Variants in C1QTNF7 observed in about 807,000 individuals in gnomAD.
C1QTNF7 encodes the protein complement C1q tumor necrosis factor-related protein 7.
In C1QTNF7, 15 loss-of-function variants were observed where a neutral mutation model predicts 19.6. The observed-to-expected ratio is 0.76, with a 90% CI of 0.51 to 1.18. C1QTNF7 has a LOEUF of 1.18. C1QTNF7 is among the 50% of genes most tolerant of loss of function. The pLI, the probability that C1QTNF7 is intolerant of heterozygous loss-of-function variation, is 0.00. For missense variants in C1QTNF7, 324 were observed against 359.7 expected, an observed-to-expected ratio of 0.90 and a Z score of 0.80; for synonymous variants, 142 against 137.5, an observed-to-expected ratio of 1.03 and a Z score of -0.23.
chr4:15,364,040 T>C (rs1186306063), intron 1 of C1QTNF7, among the ~76,000 whole-genome samples: 1 of 152,220 alleles, frequency 6.6e-6, no homozygotes, highest in Non-Finnish European at 1.5e-5. Flanking sequence ...TATATTCGCA[T>C]TGTCTAATTA....
intron 1 of C1QTNF7, among the ~76,000 whole-genome samples, chr4:15,390,139 G>A (rs1718501169): frequency 6.6e-6 from 1 of 152,140 alleles, no homozygotes; most frequent in Non-Finnish European, 1.5e-5. Flanking sequence ...CATATTGCAG[G>A]GATTCGGATT....
At chr4:15,352,063 G>C (rs762862414) in intron 1 of C1QTNF7, among the ~76,000 whole-genome samples, 5 of 152,138 alleles carry the variant, frequency 3.3e-5, no homozygotes, top group Non-Finnish European at 5.9e-5. Flanking sequence ...TTTGGAGAAT[G>C]ATGAGAATAT....
intron 1 of C1QTNF7, among the ~76,000 whole-genome samples, chr4:15,377,245 A>G (rs1189524254): frequency 2.0e-5 from 3 of 152,228 alleles, no homozygotes; most frequent in Non-Finnish European, 4.4e-5. Flanking sequence ...CATTTTCCCC[A>G]ACTCAAATTT....
chr4:15,351,898 A>G (rs1716951121), intron 1 of C1QTNF7, among the ~76,000 whole-genome samples: 1 of 152,210 alleles, frequency 6.6e-6, no homozygotes, highest in South Asian at 2.1e-4. Context: ...ACTAATTGTC[A>G]CTTAGTCCTT....
At chr4:15,407,994 C>T (rs1389674264) in intron 1 of C1QTNF7, among the ~76,000 whole-genome samples, 1 of 152,078 alleles carries the variant, frequency 6.6e-6, no homozygotes, top group East Asian at 1.9e-4. Flanking sequence ...GTAGGCCGGG[C>T]TTGGTGGCTC....
intron 1 of C1QTNF7, among the ~76,000 whole-genome samples, chr4:15,419,183 A>G (rs565842659): frequency 9.3e-4 from 141 of 152,212 alleles, no homozygotes; most frequent in Non-Finnish European, 1.6e-3. Context: ...GGCAGCATGT[A>G]CCAAAAAAGA....
chr4:15,376,641 A>C (rs1717950690), intron 1 of C1QTNF7, among the ~76,000 whole-genome samples: 1 of 152,252 alleles, frequency 6.6e-6, no homozygotes, highest in African/African-American at 2.4e-5. Flanking sequence ...TTACACAGGT[A>C]ATGATGGCTG....
chr4:15,438,974 G>A (rs1305001174), intron 2 of C1QTNF7, among the ~76,000 whole-genome samples: 1 of 152,180 alleles, frequency 6.6e-6, no homozygotes, highest in Non-Finnish European at 1.5e-5. Context: ...TTGGATGGAA[G>A]GAAGAAATGG....
chr4:15,432,684 C>T (rs776849362), intron 1 of C1QTNF7, among the ~76,000 whole-genome samples: 1 of 152,196 alleles, frequency 6.6e-6, no homozygotes, highest in Non-Finnish European at 1.5e-5. Context: ...CGTGAGCCAT[C>T]GTGCCCAGCC....
At chr4:15,392,578 C>T (rs1480996999) in intron 1 of C1QTNF7, among the ~76,000 whole-genome samples, 1 of 152,192 alleles carries the variant, frequency 6.6e-6, no homozygotes, top group Non-Finnish European at 1.5e-5. Flanking sequence ...CCAGGGAGGA[C>T]CTGGTACAGC....
intron 1 of C1QTNF7, among the ~76,000 whole-genome samples, chr4:15,429,002 G>T (rs13116208): frequency 0.53 from 80,161 of 152,098 alleles, 24,404 homozygotes; most frequent in Non-Finnish European, 0.69. Context: ...GAAGACAAAA[G>T]AACTCAGTAC....
chr4:15,385,387 T>A (rs1330265135), intron 1 of C1QTNF7, among the ~76,000 whole-genome samples: 1 of 152,036 alleles, frequency 6.6e-6, no homozygotes, highest in Non-Finnish European at 1.5e-5. Context: ...GGGAAGCCAA[T>A]GTTGGAGCAG....
At chr4:15,372,474 T>C (rs975337986) in intron 1 of C1QTNF7, among the ~76,000 whole-genome samples, 2 of 152,206 alleles carry the variant, frequency 1.3e-5, no homozygotes, top group African/African-American at 4.8e-5. Context: ...AGAAAATACA[T>C]TTCTGTTGTT....
chr4:15,398,271 C>G (rs1718863287), intron 1 of C1QTNF7, among the ~76,000 whole-genome samples: 2 of 152,076 alleles, frequency 1.3e-5, no homozygotes, highest in Non-Finnish European at 2.9e-5. Flanking sequence ...CCTGGGGTTA[C>G]CAAGAGATCT....
intron 1 of C1QTNF7, among the ~76,000 whole-genome samples, chr4:15,398,632 C>T (rs1718875663): frequency 6.6e-6 from 1 of 152,168 alleles, no homozygotes; most frequent in South Asian, 2.1e-4. Context: ...TGAACATTCC[C>T]CTGAGGCAGC....
At chr4:15,388,425 G>A (rs1416360952) in intron 1 of C1QTNF7, among the ~76,000 whole-genome samples, 7 of 152,204 alleles carry the variant, frequency 4.6e-5, no homozygotes, top group Admixed American at 4.6e-4. Context: ...AGTCAAGTAT[G>A]TGTTCAGAGA....
At chr4:15,397,146 G>A (rs1423680957) in intron 1 of C1QTNF7, among the ~76,000 whole-genome samples, 2 of 152,090 alleles carry the variant, frequency 1.3e-5, no homozygotes, top group Middle Eastern at 3.2e-3. Context: ...GAGGGAAACC[G>A]CCCCCGTGAT....
At chr4:15,405,619 C>T (rs778767443) in intron 1 of C1QTNF7, among the ~76,000 whole-genome samples, 4 of 152,158 alleles carry the variant, frequency 2.6e-5, no homozygotes, top group Non-Finnish European at 5.9e-5. Flanking sequence ...CTAGCCAATA[C>T]CAGCTAAAGA....
chr4:15,363,981 C>T (rs997645944), intron 1 of C1QTNF7, among the ~76,000 whole-genome samples: 1 of 152,202 alleles, frequency 6.6e-6, no homozygotes, highest in Admixed American at 6.5e-5. Flanking sequence ...CCCTTTCTCT[C>T]CTCTCTTGAA....
Sources: gnomAD v4.1 joint callset for allele counts (sites outside exome capture counted in the v4.1 genomes callset) on GRCh38, gnomAD v4.1.1 for gene constraint, MANE v1.5 for transcripts, NCBI Gene and HGNC (gene_info 2026-07-23, HGNC 2026-07-21) for gene names.